Variants in CRISPLD2 observed in about 807,000 individuals in gnomAD.
CRISPLD2 encodes the protein cysteine rich secretory protein LCCL domain containing 2, also known as cysteine-rich secretory protein LCCL domain-containing 2.
CRISPLD2 carries 47 observed loss-of-function variants against 71.1 expected under a neutral mutation model. That is an observed-to-expected ratio of 0.66 (90% confidence interval 0.52 to 0.84). The LOEUF is 0.84. Among genes scored for constraint, CRISPLD2 ranks in the 40% least tolerant of loss-of-function variants. The pLI, the probability that CRISPLD2 is intolerant of heterozygous loss-of-function variation, is 0.00. For missense variants in CRISPLD2, 830 were observed against 651.1 expected, an observed-to-expected ratio of 1.27 and a Z score of -2.99; for synonymous variants, 317 against 250.1, an observed-to-expected ratio of 1.27 and a Z score of -2.52.
intron 5 of CRISPLD2, 93 bp from the exon 6 acceptor site, chr16:84,854,636 T>G (rs1597460252): frequency 1.6e-5 from 14 of 859,596 alleles, no homozygotes; most frequent in Non-Finnish European, 1.2e-5. Flanking sequence ...TCAGTGGCGG[T>G]GTTCAGGGAC....
intron 6 of CRISPLD2, among the ~76,000 whole-genome samples, chr16:84,862,152 C>T (rs916675499): frequency 6.6e-6 from 1 of 152,082 alleles, no homozygotes; most frequent in Admixed American, 6.5e-5. Context: ...TTCTCGCCCC[C>T]ACTCCCACAG....
chr16:84,871,238 C>T (rs1008818529), intron 8 of CRISPLD2, among the ~76,000 whole-genome samples: 2 of 152,044 alleles, frequency 1.3e-5, no homozygotes, highest in African/African-American at 4.8e-5. Flanking sequence ...ACAGCAACAC[C>T]ATCATTGAGT....
At chr16:84,876,765 C>A (rs926845715) in intron 11 of CRISPLD2, among the ~76,000 whole-genome samples, 6 of 152,122 alleles carry the variant, frequency 3.9e-5, no homozygotes, top group Non-Finnish European at 5.9e-5. Flanking sequence ...TCACTCCAGC[C>A]TGGGCAAAAA....
chr16:84,832,459 C>G (rs1019457998), intron 1 of CRISPLD2, among the ~76,000 whole-genome samples: 1 of 152,272 alleles, frequency 6.6e-6, no homozygotes, highest in African/African-American at 2.4e-5. Flanking sequence ...CTTTTCTGAT[C>G]TAGCTGGGAG....
intron 1 of CRISPLD2, among the ~76,000 whole-genome samples, chr16:84,827,697 G>A (rs1916388691): frequency 6.6e-6 from 1 of 151,800 alleles, no homozygotes; most frequent in African/African-American, 2.4e-5. Context: ...CTCCCAAGTA[G>A]CTGGGACTAC....
intron 14 of CRISPLD2, among the ~76,000 whole-genome samples, chr16:84,893,349 C>T (rs953510961): frequency 6.6e-6 from 1 of 152,200 alleles, no homozygotes; most frequent in Non-Finnish European, 1.5e-5. Flanking sequence ...TGGTTCTTTT[C>T]TCATAGGGTC....
At chr16:84,885,796 G>A (rs955923691) in intron 13 of CRISPLD2, among the ~76,000 whole-genome samples, 2 of 149,800 alleles carry the variant, frequency 1.3e-5, no homozygotes, top group Non-Finnish European at 3.0e-5. Flanking sequence ...GTTAATGTGG[G>A]AATGTTGGAT....
At chr16:84,859,260 C>A (rs190403962) in intron 6 of CRISPLD2, among the ~76,000 whole-genome samples, 1 of 152,246 alleles carries the variant, frequency 6.6e-6, no homozygotes, top group African/African-American at 2.4e-5. Flanking sequence ...TAGGGACCCA[C>A]TGTAAGCCAG....
chr16:84,881,099 A>C (rs1185261092), intron 13 of CRISPLD2, among the ~76,000 whole-genome samples: 1 of 152,162 alleles, frequency 6.6e-6, no homozygotes, highest in Non-Finnish European at 1.5e-5. Context: ...ACCTGTCCTC[A>C]CAAATGCAGA....
At chr16:84,825,291 C>T (rs543311995) in intron 1 of CRISPLD2, among the ~76,000 whole-genome samples, 4 of 151,482 alleles carry the variant, frequency 2.6e-5, no homozygotes, top group South Asian at 2.1e-4. Context: ...AGCCAGGCGC[C>T]GTGGCTCATG....
intron 1 of CRISPLD2, among the ~76,000 whole-genome samples, chr16:84,822,868 A>G (rs952352088): frequency 6.6e-6 from 1 of 152,222 alleles, no homozygotes; most frequent in Non-Finnish European, 1.5e-5. Context: ...TGTGGTAAAA[A>G]TACACATAAA....
intron 1 of CRISPLD2, among the ~76,000 whole-genome samples, chr16:84,823,992 A>G (rs531185657): frequency 6.6e-6 from 1 of 152,202 alleles, no homozygotes; most frequent in African/African-American, 2.4e-5. Flanking sequence ...TAGGGAAAAG[A>G]CTCAACTGGA....
chr16:84,899,782 G>A (rs2071737481), intron 14 of CRISPLD2, among the ~76,000 whole-genome samples: 1 of 152,164 alleles, frequency 6.6e-6, no homozygotes, highest in Admixed American at 6.5e-5. Context: ...AGCCTGAATG[G>A]TTCCCTTGTC....
intron 2 of CRISPLD2, among the ~76,000 whole-genome samples, chr16:84,842,902 C>T (rs540636174): frequency 6.6e-6 from 1 of 152,138 alleles, no homozygotes; most frequent in Non-Finnish European, 1.5e-5. Context: ...GACTGAGCTG[C>T]GACCCCCAGG....
chr16:84,861,453 C>G (rs534562354), intron 6 of CRISPLD2, among the ~76,000 whole-genome samples: 1 of 152,284 alleles, frequency 6.6e-6, no homozygotes, highest in South Asian at 2.1e-4. Flanking sequence ...AACTTGAAGT[C>G]TGATGTTCGA....
At chr16:84,823,400 G>A (rs1225739018) in intron 1 of CRISPLD2, among the ~76,000 whole-genome samples, 2 of 152,164 alleles carry the variant, frequency 1.3e-5, no homozygotes, top group Non-Finnish European at 2.9e-5. Flanking sequence ...GGGTCATATG[G>A]TAACTTTATG....
intron 13 of CRISPLD2, among the ~76,000 whole-genome samples, chr16:84,886,906 G>A (rs184002009): frequency 3.5e-4 from 53 of 152,280 alleles, no homozygotes; most frequent in African/African-American, 1.1e-3. Context: ...GTTGTAATGG[G>A]TTCGACCTCC....
At chr16:84,891,119 C>G (rs1417179294) in intron 14 of CRISPLD2, among the ~76,000 whole-genome samples, 2 of 152,264 alleles carry the variant, frequency 1.3e-5, no homozygotes, top group African/African-American at 4.8e-5. Flanking sequence ...CTGAGGTGCA[C>G]TTGAGGGTTA....
rs755327613 is a variant in CRISPLD2, at chr16:84,889,512, C to T, written c.1439+149C>T. On this transcript the variant is annotated intron_variant, in intron 14 of 14. Coordinates refer to ENST00000262424, the MANE Select transcript of CRISPLD2 (RefSeq NM_031476.4). ...CTTACCAGGACTCCCAGGTAAGAGA[C>T]TTCTTTGCTTTTCTCTTTCTTTTGT... The T allele has an allele frequency of 7.2e-6, 5 of 693,138 alleles. No homozygotes were observed. The South Asian group carries it at 1.9e-4, about 27-fold the overall frequency. 42.9% of individuals were successfully genotyped at this position (693,138 alleles called of 1,614,324 possible).
Sources: allele counts gnomAD v4.1 joint callset (sites outside exome capture counted in the v4.1 genomes callset), GRCh38; gene constraint gnomAD v4.1.1; transcripts MANE v1.5; gene names NCBI Gene and HGNC (gene_info 2026-07-23, HGNC 2026-07-21).